PTPRO: variants seen among roughly 807,000 people sequenced by gnomAD.
PTPRO encodes the protein protein tyrosine phosphatase receptor type O.
A neutral mutation model predicts 145.2 loss-of-function variants in PTPRO; 62 were observed. That is an observed-to-expected ratio of 0.43 (90% CI 0.35 to 0.53). The LOEUF (loss-of-function observed/expected upper bound fraction) is 0.53. Among genes scored for constraint, PTPRO ranks in the 20% least tolerant of loss-of-function variants. The probability of loss-of-function intolerance (pLI) is 0.01; values close to 1 mark genes in which losing one functional copy is unlikely to be tolerated. For synonymous variants in PTPRO, 565 were observed against 514.7 expected (o/e 1.10, Z -1.32); for missense variants, 1,345 against 1,482.7 (o/e 0.91, Z 1.53).
At chr12:15,499,740 A>T in intron 4 of PTPRO, 146 bp downstream of exon 4, 3 of 987,648 alleles carry the variant, frequency 3.0e-6, no homozygotes, top group Non-Finnish European at 4.4e-6. Context: ...ATTTTCTATC[A>T]ATATAAAAAG....
In PTPRO at chr12:15,501,930, C is replaced by A. The variant is rs2136470371; in HGVS notation, c.972C>A (p.Asn324Lys). Residue 324 changes from asparagine to lysine, a missense_variant, in exon 5 of 27, where the codon AAC (asparagine) becomes AAA (lysine). By Grantham distance (94) the Asn-to-Lys change is moderately conservative. Transcript: ENST00000281171. ...VSVLPMEYEN[N>K]STLSETEKST... The stretch of plus-strand genomic sequence containing the variant: ...TACTTCCCATGGAATACGAAAATAA[C>A]AGTACACTCAGTGAGACAGAGAAGT... 6.2e-7 allele frequency: 1 copy of A among 1,614,024 alleles called. No individual in the cohort carries two copies.
intron 1 of PTPRO, among the ~76,000 whole-genome samples, chr12:15,373,972 T>C (rs927728927): frequency 4.6e-5 from 7 of 152,154 alleles, no homozygotes; most frequent in Non-Finnish European, 2.9e-5. Flanking sequence ...TTCATCATAT[T>C]TTTTCAAGAC....
intron 1 of PTPRO, among the ~76,000 whole-genome samples, chr12:15,404,679 A>G (rs905428440): frequency 1.1e-4 from 16 of 152,220 alleles, no homozygotes; most frequent in Admixed American, 9.2e-4. Context: ...CTAAGAGAAA[A>G]AAAACCTTAC....
At chr12:15,516,661 A>G (rs1942605619) in intron 8 of PTPRO, 102 bp from the exon 9 acceptor site, 6 of 993,476 alleles carry the variant, frequency 6.0e-6, no homozygotes, top group Admixed American at 1.7e-5. Context: ...TAGGTATTGT[A>G]TCAGAGAGTG....
At chr12:15,516,667 G>A in intron 8 of PTPRO, 96 bp from the exon 9 acceptor site, 1 of 1,052,682 alleles carries the variant, frequency 9.5e-7, no homozygotes, top group Middle Eastern at 2.9e-4. Context: ...TTGTATCAGA[G>A]AGTGAAAACT....
At chr12:15,506,886 G>A (rs1591663096) in intron 6 of PTPRO, among the ~76,000 whole-genome samples, 1 of 152,254 alleles carries the variant, frequency 6.6e-6, no homozygotes, top group East Asian at 1.9e-4. Context: ...TAACTCATTT[G>A]TCCAAAGTTG....
Position 15,580,774 on chromosome 12 carries a change from C to A in PTPRO, c.3075C>A (p.Val1025=). ...CCAGAAATGACTTCTGGAAGATGGT[C>A]CTGCAACAAAAGTCTCAGATTATTG... The part of the protein sequence containing the change: ...PETRNDFWKM[V]LQQKSQIIVM... Residue 1025 remains valine (V), a synonymous_variant, in exon 22 of 27, where the codon GTC becomes GTA. Transcript: ENST00000281171. 1 of 1,613,980 alleles carries A rather than the reference C, an allele frequency of 6.2e-7. No homozygotes were observed. The highest frequency in any genetic ancestry group is 8.5e-7 in the Non-Finnish European group (1 of 1,179,954).
chr12:15,404,098 A>T (rs1939579239), intron 1 of PTPRO, among the ~76,000 whole-genome samples: 1 of 147,090 alleles, frequency 6.8e-6, no homozygotes, highest in African/African-American at 2.5e-5. Flanking sequence ...CAGGAGGCTG[A>T]GGCAGGAGAA....
intron 9 of PTPRO, 83 bp from the exon 10 acceptor site, chr12:15,520,118 A>G (rs1942683549): frequency 1.1e-6 from 1 of 872,606 alleles, no homozygotes. Context: ...ATTACTTATT[A>G]ATTTTTTATG....
intron 1 of PTPRO, among the ~76,000 whole-genome samples, chr12:15,465,666 T>G (rs1204102518): frequency 1.3e-5 from 2 of 152,142 alleles, no homozygotes; most frequent in African/African-American, 4.8e-5. Flanking sequence ...GTGTCAGATA[T>G]TTGAAGCAGG....
chr12:15,373,802 A>G (rs1938601086), intron 1 of PTPRO, among the ~76,000 whole-genome samples: 1 of 152,196 alleles, frequency 6.6e-6, no homozygotes, highest in Non-Finnish European at 1.5e-5. Context: ...AAGAACAAAG[A>G]TTATCAAAAA....
chr12:15,554,369 T>G (rs777804099), intron 15 of PTPRO, among the ~76,000 whole-genome samples: 27 of 151,784 alleles, frequency 1.8e-4, no homozygotes, highest in Non-Finnish European at 3.7e-4. Context: ...CATAGTAGTA[T>G]ATATATATCC....
intron 1 of PTPRO, among the ~76,000 whole-genome samples, chr12:15,402,477 C>T (rs1248660648): frequency 6.6e-6 from 1 of 152,050 alleles, no homozygotes; most frequent in Non-Finnish European, 1.5e-5. Flanking sequence ...GTGGAATCCT[C>T]AACTACAAAA....
intron 1 of PTPRO, among the ~76,000 whole-genome samples, chr12:15,370,923 G>C (rs1938508747): frequency 6.6e-6 from 1 of 152,016 alleles, no homozygotes. Context: ...GTAAGTTATG[G>C]CATATTCATA....
chr12:15,389,956 T>C (rs909734902), intron 1 of PTPRO, among the ~76,000 whole-genome samples: 2 of 152,160 alleles, frequency 1.3e-5, no homozygotes, highest in African/African-American at 4.8e-5. Context: ...AGAGACCAAG[T>C]CTTATATAAA....
At position 15,569,458 on chromosome 12, in the gene PTPRO, T is replaced by A. The variant is rs1254867543; in HGVS notation, c.2789T>A (p.Met930Lys). The part of the protein sequence containing the change: ...LDDFDAYIKD[M>K]AKDSDYKFSL... ...GACTTTGATGCCTATATTAAGGATA[T>A]GGCCAAAGACTCTGACTATAAATTT... The change falls in exon 19 of 27, where the codon ATG becomes AAG. Residue 930 changes from methionine (M) to lysine (K), a missense_variant. Physicochemically the swap from Met to Lys is moderately conservative, Grantham distance 95 (BLOSUM62 -1). This residue lies in a region of PTPRO where 1,130 missense variants were observed against 1,214.7 expected (regional missense o/e 0.93). Coordinates refer to ENST00000281171, the MANE Select transcript of PTPRO (RefSeq NM_030667.3). 6.2e-7 allele frequency: 1 copy of A among 1,613,744 alleles called. No individual in the cohort carries two copies. The highest frequency in any genetic ancestry group is 8.5e-7 in the Non-Finnish European group (1 of 1,179,800).
At chr12:15,445,082 T>C (rs1940867189) in intron 1 of PTPRO, among the ~76,000 whole-genome samples, 1 of 152,154 alleles carries the variant, frequency 6.6e-6, no homozygotes, top group Non-Finnish European at 1.5e-5. Flanking sequence ...CTGAGTTTCT[T>C]CCATACATTA....
intron 7 of PTPRO, among the ~76,000 whole-genome samples, chr12:15,509,676 G>C (rs1268739708): frequency 7.5e-6 from 1 of 134,224 alleles, no homozygotes; most frequent in Non-Finnish European, 1.6e-5. Flanking sequence ...AACAGAGTGA[G>C]ACTCCGTCTC....
chr12:15,345,615 G>A (rs1221576610), intron 1 of PTPRO, among the ~76,000 whole-genome samples: 1 of 152,016 alleles, frequency 6.6e-6, no homozygotes, highest in Non-Finnish European at 1.5e-5. Flanking sequence ...TCGGGGGGTG[G>A]GGGGTTAGCA....
Sources: allele counts gnomAD v4.1 joint callset (sites outside exome capture counted in the v4.1 genomes callset), GRCh38; gene constraint gnomAD v4.1.1; regional missense constraint gnomAD v4.1.1; transcripts MANE v1.5; gene names NCBI Gene and HGNC (gene_info 2026-07-23, HGNC 2026-07-21).